SCAI: variants seen among roughly 807,000 people sequenced by gnomAD.
SCAI encodes protein SCAI.
Under a neutral mutation model 92.2 loss-of-function variants are expected in SCAI, and 24 were observed. That is an observed-to-expected ratio of 0.26 (90% CI 0.19 to 0.37). SCAI has a LOEUF of 0.37. Ranked by LOEUF, SCAI falls within the 10% of genes least tolerant of loss-of-function variation. SCAI has a pLI of 1.00. For synonymous variants in SCAI, 261 were observed against 258.6 expected (o/e 1.01, Z -0.09); for missense variants, 450 against 736.2 (o/e 0.61, Z 4.50).
chr9:125,103,036 G>T (rs1360377511), intron 2 of SCAI, among the ~76,000 whole-genome samples: 1 of 152,000 alleles, frequency 6.6e-6, no homozygotes, highest in African/African-American at 2.4e-5. Context: ...ATCAAGTCTA[G>T]GTCTACAGTC....
intron 9 of SCAI, among the ~76,000 whole-genome samples, chr9:125,009,175 T>C (rs866316021): frequency 9.9e-5 from 15 of 152,144 alleles, no homozygotes; most frequent in African/African-American, 3.4e-4. Flanking sequence ...TAAAATATTA[T>C]AGAAGAAGCA....
At chr9:125,048,145 A>G (rs933176545) in intron 3 of SCAI, among the ~76,000 whole-genome samples, 2 of 151,952 alleles carry the variant, frequency 1.3e-5, no homozygotes, top group Non-Finnish European at 2.9e-5. Flanking sequence ...TGCCCAGCTA[A>G]TTTTGTATTT....
chr9:125,038,419 A>G (rs1222210112), intron 3 of SCAI, among the ~76,000 whole-genome samples: 1 of 152,154 alleles, frequency 6.6e-6, no homozygotes. Flanking sequence ...CTGTAATACC[A>G]TGATATCTAA....
intron 17 of SCAI, among the ~76,000 whole-genome samples, chr9:124,962,199 G>A (rs1331599711): frequency 1.6e-5 from 2 of 122,706 alleles, no homozygotes; most frequent in Non-Finnish European, 3.2e-5. Context: ...TTGCTCTGTC[G>A]CCCAGGCTGG....
intron 3 of SCAI, among the ~76,000 whole-genome samples, chr9:125,031,585 G>T (rs1833075626): frequency 6.6e-6 from 1 of 152,110 alleles, no homozygotes; most frequent in Non-Finnish European, 1.5e-5. Context: ...TAAATTCATT[G>T]AATTTAGTGG....
chr9:124,961,636 C>CA (rs1418353509), intron 17 of SCAI, among the ~76,000 whole-genome samples: 1 of 124,610 alleles, frequency 8.0e-6, no homozygotes, highest in African/African-American at 3.0e-5. Context: ...GGCAACAGAG[C>CA]AAGACTCCAT....
intron 2 of SCAI, among the ~76,000 whole-genome samples, chr9:125,104,863 C>T (rs1238831766): frequency 6.6e-6 from 1 of 151,096 alleles, no homozygotes; most frequent in Admixed American, 6.6e-5. Context: ...GAGGCTGAGG[C>T]AGGAGAATAG....
At chr9:125,112,224 G>A (rs974581417) in intron 2 of SCAI, among the ~76,000 whole-genome samples, 1 of 152,066 alleles carries the variant, frequency 6.6e-6, no homozygotes, top group Non-Finnish European at 1.5e-5. Context: ...AAGCTTAAAA[G>A]TATGACCTTA....
chr9:125,006,047 G>A (rs1417012925), intron 9 of SCAI, among the ~76,000 whole-genome samples: 1 of 152,090 alleles, frequency 6.6e-6, no homozygotes, highest in African/African-American at 2.4e-5. Flanking sequence ...AAGTTTTGAG[G>A]GAAAAAGCAA....
rs55938057 is a variant in SCAI, at chr9:124,951,059, TA to T, written c.*1747del. ...GGCAACAAAGCAAGACTCTGTCTCT[TA>T]AAAAAAAAAAAAAAAAAAAGTAAAA... On this transcript the variant is annotated 3_prime_UTR_variant, in exon 18 of 18. Coordinates refer to ENST00000336505, the MANE Select transcript of SCAI (RefSeq NM_001144877.3). 6,905 of 116,556 alleles carry T rather than the reference TA, an allele frequency of 0.059. 431 individuals carry two copies. The highest frequency in any genetic ancestry group is 0.17 in the African/African-American group (5,329 of 31,600). 7.2% of individuals were successfully genotyped at this position (116,556 alleles called of 1,614,324 possible). A position where few individuals can be genotyped will look rare whatever the true frequency, so the allele number is the denominator to read the frequency against.
At chr9:125,112,399 C>A (rs1353599928) in intron 2 of SCAI, among the ~76,000 whole-genome samples, 1 of 152,026 alleles carries the variant, frequency 6.6e-6, no homozygotes, top group Non-Finnish European at 1.5e-5. Context: ...CAATCAAAAC[C>A]AACCCAGAAC....
At chr9:124,959,487 C>CATATATATATAT (rs1831392556) in intron 17 of SCAI, among the ~76,000 whole-genome samples, 1 of 143,368 alleles carries the variant, frequency 7.0e-6, no homozygotes, top group African/African-American at 2.7e-5. Flanking sequence ...TATATATACA[C>CATATATATATAT]ACACACATAT....
chr9:125,082,656 C>A (rs1477152668), intron 2 of SCAI, among the ~76,000 whole-genome samples: 1 of 152,240 alleles, frequency 6.6e-6, no homozygotes, highest in Non-Finnish European at 1.5e-5. Context: ...TGGGAGCCTA[C>A]CTCTTGCATC....
intron 2 of SCAI, among the ~76,000 whole-genome samples, chr9:125,128,739 C>T (rs11793462): frequency 6.8e-6 from 1 of 147,918 alleles, no homozygotes; most frequent in Admixed American, 6.8e-5. Flanking sequence ...GGCGACAGAG[C>T]GAAACTCCGT....
At chr9:125,079,734 A>G (rs1321914521) in intron 2 of SCAI, among the ~76,000 whole-genome samples, 2 of 151,862 alleles carry the variant, frequency 1.3e-5, no homozygotes, top group Non-Finnish European at 1.5e-5. Flanking sequence ...ATCCAAATTC[A>G]TATGTATTGG....
chr9:125,062,302 T>A (rs1007273447), intron 2 of SCAI, among the ~76,000 whole-genome samples: 1 of 151,906 alleles, frequency 6.6e-6, no homozygotes, highest in African/African-American at 2.4e-5. Flanking sequence ...TTTTTGTATT[T>A]TTTTGTAGAG....
chr9:125,112,270 G>C (rs1366746869), intron 2 of SCAI, among the ~76,000 whole-genome samples: 1 of 151,990 alleles, frequency 6.6e-6, no homozygotes, highest in Admixed American at 6.6e-5. Flanking sequence ...TTAACTGCGT[G>C]CCAAGAAAAG....
Position 125,042,246 on chromosome 9 carries a change from T to C in SCAI, c.231-12507A>G, listed in dbSNP as rs578038129. Among the ~76,000 whole-genome samples the C allele has an allele frequency of 3.3e-5, 5 of 152,260 alleles. 1 individual carries two copies. The highest frequency in any genetic ancestry group is 1.2e-4 in the African/African-American group (5 of 41,560). On this transcript the variant is annotated intron_variant, in intron 3 of 17. Coordinates refer to ENST00000336505, the MANE Select transcript of SCAI (RefSeq NM_001144877.3). ...TGACACTAATCTCTCTTTATTGAAA[T>C]CCTCAGTTCTATCAGTAGAACTCAG...
At chr9:125,005,078 G>A (rs1042479960) in intron 9 of SCAI, among the ~76,000 whole-genome samples, 2 of 151,406 alleles carry the variant, frequency 1.3e-5, no homozygotes, top group African/African-American at 2.4e-5. Flanking sequence ...ATGAGCTACC[G>A]CGCCCAGCCT....
Sources: allele counts gnomAD v4.1 joint callset (sites outside exome capture counted in the v4.1 genomes callset), GRCh38; gene constraint gnomAD v4.1.1; transcripts MANE v1.5; gene names NCBI Gene and HGNC (gene_info 2026-07-23, HGNC 2026-07-21).